The following ROBO2 variants were observed in gnomAD, a reference collection of about 807,000 sequenced individuals.
ROBO2 encodes roundabout guidance receptor 2.
In ROBO2, 53 loss-of-function variants were observed where a neutral mutation model predicts 160.8. The observed-to-expected ratio is 0.33, with a 90% CI of 0.26 to 0.41. ROBO2 has a LOEUF of 0.41. Ranked by LOEUF, ROBO2 falls within the 10% of genes least tolerant of loss-of-function variation. The pLI is 1.00. For missense variants in ROBO2, 1,577 were observed against 1,722.4 expected (o/e 0.92, Z 1.49); for synonymous variants, 664 against 611.7 (o/e 1.09, Z -1.26).
At chr3:76,016,346 CTT>C in intron 2 of ROBO2, among the ~76,000 whole-genome samples, 1 of 151,198 alleles carries the variant, frequency 6.6e-6, no homozygotes, top group Admixed American at 6.6e-5. Context: ...TATTTAAAGT[CTT>C]TATACTAAAA....
At chr3:76,433,004 A>G (rs1055268202) in intron 2 of ROBO2, among the ~76,000 whole-genome samples, 2 of 152,216 alleles carry the variant, frequency 1.3e-5, no homozygotes, top group South Asian at 2.1e-4. Flanking sequence ...ACTAGCATTT[A>G]GAAACTGTGA....
At position 76,651,138 on chromosome 3, in the gene ROBO2, G is replaced by C. The variant is rs1560306675; in HGVS notation, c.110-446876G>C. On this transcript the variant is annotated intron_variant, in intron 2 of 26. Coordinates refer to the ROBO2 transcript ENST00000487694. ...AGTTGAAAAGCATGATGATTTTCAG[G>C]CATGTATGCATTCAGGCACTCAAAA... is the stretch of plus-strand genomic sequence containing the variant. Among the ~76,000 whole-genome samples the C allele has an allele frequency of 5.3e-5, 8 of 152,234 alleles. No homozygotes were observed. The South Asian group carries it at 1.7e-3, about 32-fold the overall frequency.
chr3:76,240,415 G>A (rs985576514), intron 2 of ROBO2, among the ~76,000 whole-genome samples: 3 of 151,926 alleles, frequency 2.0e-5, no homozygotes, highest in Non-Finnish European at 2.9e-5. Flanking sequence ...TTGGTTAACC[G>A]GATGTCCAGG....
chr3:77,234,355 G>C (rs753159584), intron 2 of ROBO2, among the ~76,000 whole-genome samples: 1 of 152,164 alleles, frequency 6.6e-6, no homozygotes, highest in Non-Finnish European at 1.5e-5. Flanking sequence ...GGTTCTAGGA[G>C]AGAGCAGTCA....
At chr3:76,289,440 GT>G (rs1169714175) in intron 2 of ROBO2, among the ~76,000 whole-genome samples, 1 of 151,776 alleles carries the variant, frequency 6.6e-6, no homozygotes, top group Non-Finnish European at 1.5e-5. Context: ...TCTGTAGGTT[GT>G]TTTTTTTATT....
At chr3:76,398,906 T>A (rs1466177899) in intron 2 of ROBO2, among the ~76,000 whole-genome samples, 1 of 151,792 alleles carries the variant, frequency 6.6e-6, no homozygotes, top group Non-Finnish European at 1.5e-5. Flanking sequence ...TATTTGATGG[T>A]AAGACTGGGT....
chr3:76,776,217 A>C (rs1386235825), intron 2 of ROBO2, among the ~76,000 whole-genome samples: 1 of 150,944 alleles, frequency 6.6e-6, no homozygotes, highest in African/African-American at 2.4e-5. Context: ...ATAGTTAAAA[A>C]CTATCTTAGC....
chr3:76,657,372 C>G (rs952366731), intron 2 of ROBO2, among the ~76,000 whole-genome samples: 5 of 151,628 alleles, frequency 3.3e-5, no homozygotes, highest in Non-Finnish European at 7.4e-5. Context: ...TTGCAGTGAG[C>G]CGAGATCGCG....
chr3:76,250,141 C>T (rs1314796352), intron 2 of ROBO2, among the ~76,000 whole-genome samples: 1 of 151,938 alleles, frequency 6.6e-6, no homozygotes, highest in Non-Finnish European at 1.5e-5. Flanking sequence ...TTCCTGCCAG[C>T]AGTGGTGCAG....
intron 2 of ROBO2, among the ~76,000 whole-genome samples, chr3:76,497,894 C>G (rs530971886): frequency 3.9e-5 from 6 of 152,232 alleles, no homozygotes; most frequent in Non-Finnish European, 8.8e-5. Flanking sequence ...GCATTCCCAG[C>G]CTGCTGGCCT....
intron 2 of ROBO2, among the ~76,000 whole-genome samples, chr3:77,133,032 G>A (rs79394668): frequency 1.1e-4 from 16 of 152,226 alleles, no homozygotes; most frequent in African/African-American, 3.1e-4. Context: ...GCTACGAATA[G>A]GAGCATCTAA....
At chr3:77,274,558 A>G (rs1044749943) in intron 2 of ROBO2, among the ~76,000 whole-genome samples, 12 of 152,110 alleles carry the variant, frequency 7.9e-5, no homozygotes, top group African/African-American at 2.9e-4. Context: ...ATATTCCAAG[A>G]TTCAGGTTCT....
chr3:77,374,204 G>A (rs1354791002), intron 2 of ROBO2, among the ~76,000 whole-genome samples: 11 of 67,400 alleles, frequency 1.6e-4, no homozygotes, highest in African/African-American at 5.8e-4. Flanking sequence ...AAAAAAAAAA[G>A]CTGGACTAAA....
At chr3:76,279,613 T>C (rs1204150533) in intron 2 of ROBO2, among the ~76,000 whole-genome samples, 1 of 152,020 alleles carries the variant, frequency 6.6e-6, no homozygotes, top group Non-Finnish European at 1.5e-5. Flanking sequence ...GACCCACCTA[T>C]ATTTAATTTA....
intron 2 of ROBO2, among the ~76,000 whole-genome samples, chr3:77,276,959 C>A (rs2059870400): frequency 6.6e-6 from 1 of 152,054 alleles, no homozygotes. Context: ...AAACTGCCCT[C>A]GTGATTGAAT....
intron 16 of ROBO2, among the ~76,000 whole-genome samples, chr3:77,582,391 G>GT (rs765606855): frequency 4.0e-5 from 6 of 151,316 alleles, no homozygotes; most frequent in South Asian, 2.1e-4. Context: ...AGCCAGTCTT[G>GT]TTTTTTTTTA....
chr3:76,891,664 G>A (rs570477891), intron 2 of ROBO2, among the ~76,000 whole-genome samples: 20 of 152,194 alleles, frequency 1.3e-4, no homozygotes, highest in South Asian at 8.3e-4. Context: ...AATGGTTTAC[G>A]CTTCAGAAAA....
chr3:77,493,358 A>T, exon 5 of ROBO2: 2 of 1,614,120 alleles, frequency 1.2e-6, no homozygotes, highest in East Asian at 2.2e-5. Context: ...TGGAAAAAGG[A>T]TGATGCAGAC....
chr3:77,096,016 A>T (rs1028263766), intron 1 of ROBO2, among the ~76,000 whole-genome samples: 2 of 152,210 alleles, frequency 1.3e-5, no homozygotes, highest in Non-Finnish European at 1.5e-5. Context: ...TGATGTGATT[A>T]AAAAAATAGC....
Sources: gnomAD v4.1 joint callset for allele counts (sites outside exome capture counted in the v4.1 genomes callset) on GRCh38, gnomAD v4.1.1 for gene constraint, MANE v1.5 for transcripts, NCBI Gene and HGNC (gene_info 2026-07-23, HGNC 2026-07-21) for gene names.